ABCB8: variants seen among roughly 807,000 people sequenced by gnomAD.
ABCB8 encodes the protein mitochondrial potassium channel ATP-binding subunit.
Under a neutral mutation model 73.0 loss-of-function variants are expected in ABCB8, and 52 were observed. That is an observed-to-expected ratio of 0.71 (90% CI 0.57 to 0.90). The LOEUF is 0.90. Among genes scored for constraint, ABCB8 ranks in the 40% least tolerant of loss-of-function variants. The pLI is 0.00. For missense variants in ABCB8, 909 were observed against 974.6 expected, an observed-to-expected ratio of 0.93 and a Z score of 0.90; for synonymous variants, 428 against 423.5, an observed-to-expected ratio of 1.01 and a Z score of -0.13.
intron 9 of ABCB8, chr7:151,039,614 T>C (rs532726179): frequency 6.6e-6 from 1 of 152,454 alleles, no homozygotes; most frequent in Admixed American, 6.5e-5. Context: ...GGTATACTTA[T>C]CTGCAGGGCA....
intron 13 of ABCB8, 122 bp from the exon 14 acceptor site, chr7:151,041,836 ATTC>A: frequency 8.1e-7 from 1 of 1,236,366 alleles, no homozygotes; most frequent in Non-Finnish European, 1.1e-6. Context: ...TGAACGTCTG[ATTC>A]TTCAAGAGAT....
intron 14 of ABCB8, 99 bp downstream of exon 14, chr7:151,042,207 ACAGCTGGGGAGAAAGAC>A (rs1233185073): frequency 6.6e-7 from 1 of 1,514,344 alleles, no homozygotes; most frequent in Non-Finnish European, 9.0e-7. Flanking sequence ...GGCAGCAGGG[ACAGCTGGGGAGAAAGAC>A]AGTTGTGTCA....
chr7:151,043,966 C>T lies in ABCB8; in HGVS notation c.1766-5C>T, dbSNP rs1284228620. 3 of 1,607,670 alleles carry T rather than the reference C, an allele frequency of 1.9e-6. No homozygotes were observed. Among genetic ancestry groups the T allele is most frequent in the Admixed American group, 1.7e-5 (1 of 59,876 alleles). On this transcript the variant is annotated splice_polypyrimidine_tract_variant and splice_region_variant and intron_variant, in intron 14 of 15. Coordinates refer to ENST00000358849, the MANE Select transcript of ABCB8 (RefSeq NM_007188.5). ...CAGGCTCCTGCCCTGCCCCTCCCTT[C>T]CCAGGTGAACGGGGCACTACCCTGT...
rs1392570117 is a variant in ABCB8, at chr7:151,035,634, G to A, written c.819G>A (p.Leu273=). Residue 273 remains leucine (L), a synonymous_variant, in exon 6 of 16, where the codon CTG becomes CTA. Coordinates refer to ENST00000358849, the MANE Select transcript of ABCB8 (RefSeq NM_007188.5). ...VAGCLVSLSM[L]STRLTLLLMV... ...GCTGCCTGGTGTCCCTGTCCATGCT[G>A]TCGACACGCCTCACGCTGCTGCTGA... The A allele has an allele frequency of 3.7e-6, 6 of 1,609,896 alleles. No individual in the cohort carries two copies. Among genetic ancestry groups the A allele is most frequent in the Non-Finnish European group, 5.1e-6 (6 of 1,177,074 alleles).
At position 151,034,455 on chromosome 7, in the gene ABCB8, C is replaced by T. The variant is rs184100435; in HGVS notation, c.564+27C>T. 1,035 of 1,613,658 alleles carry T rather than the reference C, an allele frequency of 6.4e-4. 5 individuals carry two copies. In the African/African-American group the frequency reaches 0.012, roughly 18 times the overall value. On this transcript the variant is annotated intron_variant, in intron 3 of 15. Transcript: ENST00000358849. ...TACAGCCGGGAGTGGGGCTGGGGAC[C>T]GCCGAGGAGCCACCCGAGGCATCCC...
rs1484524279 is a variant in ABCB8, at chr7:151,047,176, T to A, written c.*1827T>A. 6.6e-6 allele frequency: 1 copy of A among 152,230 alleles called. No homozygotes were observed. Among genetic ancestry groups the A allele is most frequent in the Non-Finnish European group, 1.5e-5 (1 of 68,052 alleles). The allele number at this position is 152,230 out of a possible 1,614,324, so 9.4% of individuals were successfully genotyped here. A position where few individuals can be genotyped will look rare whatever the true frequency, so the allele number is the denominator to read the frequency against. The stretch of plus-strand genomic sequence containing the variant: ...CAAAATGCCTCTGACACCAGATTTA[T>A]ATCTTCTGGGCGGCTTCTTTAAATC... On this transcript the variant is annotated 3_prime_UTR_variant, in exon 16 of 16. Coordinates refer to ENST00000358849, the MANE Select transcript of ABCB8 (RefSeq NM_007188.5).
intron 14 of ABCB8, 24 bp from the exon 15 acceptor site, chr7:151,043,947 C>A (rs1170281995): frequency 6.2e-7 from 1 of 1,604,340 alleles, no homozygotes; most frequent in East Asian, 2.2e-5. Context: ...GCTTCAGGCT[C>A]CTGCCCTGCC....
intron 5 of ABCB8, 132 bp from the exon 6 acceptor site, chr7:151,035,449 C>T (rs1489606865): frequency 9.2e-7 from 1 of 1,083,560 alleles, no homozygotes; most frequent in Non-Finnish European, 1.3e-6. Context: ...TGGACTGCCA[C>T]TGGGCCTCCC....
chr7:151,042,237 G>T, intron 14 of ABCB8, 129 bp downstream of exon 14: 1 of 1,389,590 alleles, frequency 7.2e-7, no homozygotes, highest in Non-Finnish European at 9.8e-7. Context: ...TTGTGTCAGG[G>T]AAGACGAGAA....
At chr7:151,035,854 C>G (rs2117217543) in intron 6 of ABCB8, 28 bp from the exon 7 acceptor site, 2 of 1,611,872 alleles carry the variant, frequency 1.2e-6, no homozygotes, top group South Asian at 2.2e-5. Context: ...TTCTGGACTC[C>G]TTGTCCTGTT....
rs1240457444 is a variant in ABCB8 at position 151,028,475 on chromosome 7, G to C, written c.-41G>C. On this transcript the variant is annotated 5_prime_UTR_variant, in exon 1 of 16. Transcript: ENST00000358849. ...ATAGAGCCCTCAGTGGGATGAGGGT[G>C]AAACTGCTATTGCCGGCGGCTCCTG... The C allele has an allele frequency of 6.3e-7, 1 of 1,588,844 alleles. No individual in the cohort carries two copies. Among genetic ancestry groups the C allele is most frequent in the South Asian group, 1.1e-5 (1 of 87,328 alleles).
rs747379389 is a variant in ABCB8, at chr7:151,033,859, G to A, written c.350G>A (p.Trp117Ter). 6.2e-7 allele frequency: 1 copy of A among 1,612,870 alleles called. No homozygotes were observed. Among genetic ancestry groups the A allele is most frequent in the East Asian group, 2.2e-5 (1 of 44,854 alleles). The part of the protein sequence containing the change: ...TPHVVGSRFN[W>*]KLFWQFLHPH... The stretch of plus-strand genomic sequence containing the variant: ...CATGTCGTGGGGTCTCGCTTTAACT[G>A]GAAGCTCTTCTGGCAGTTTCTGCAC... The change falls in exon 2 of 16, where the codon TGG (tryptophan) becomes TAG (stop). Residue 117 changes from tryptophan to a stop codon, truncating the protein, a stop_gained. Transcript: ENST00000358849. LOFTEE classifies it high-confidence loss of function.
rs1349778413 is a variant in ABCB8 at position 151,047,235 on chromosome 7, A to C, written c.*1886A>C. The stretch of plus-strand genomic sequence containing the variant: ...CACCCGCCCCCTAGAGAAGCAGTGA[A>C]ACCCCTTGGCTAGTCCAGCTGGAAG... On this transcript the variant is annotated 3_prime_UTR_variant, in exon 16 of 16. Coordinates refer to ENST00000358849, the MANE Select transcript of ABCB8 (RefSeq NM_007188.5). 6.6e-6 allele frequency: 1 copy of C among 152,254 alleles called. No homozygotes were observed. The highest frequency in any genetic ancestry group is 1.5e-5 in the Non-Finnish European group (1 of 68,060). 9.4% of individuals were successfully genotyped at this position (152,254 alleles called of 1,614,324 possible). A position where few individuals can be genotyped will look rare whatever the true frequency, so the allele number is the denominator to read the frequency against.
chr7:151,035,606 C>T lies in ABCB8; in HGVS notation c.791C>T (p.Ala264Val). The T allele has an allele frequency of 6.2e-7, 1 of 1,601,768 alleles. No individual in the cohort carries two copies. Among genetic ancestry groups the T allele is most frequent in the Non-Finnish European group, 8.5e-7 (1 of 1,170,724 alleles). The change falls in exon 6 of 16, where the codon GCA (alanine) becomes GTA (valine). Residue 264 changes from alanine to valine, a missense_variant. Transcript: ENST00000358849. ...SQGLRSCTQV[A>V]GCLVSLSMLS... ...GGGCTGCGAAGCTGCACCCAGGTGG[C>T]AGGCTGCCTGGTGTCCCTGTCCATG...
chr7:151,035,784 G>A (rs370807873), intron 6 of ABCB8, 42 bp downstream of exon 6: 8 of 1,610,154 alleles, frequency 5.0e-6, no homozygotes, highest in African/African-American at 4.0e-5. Context: ...TCCCCACACC[G>A]TTTCTCTTTC....
In ABCB8 at chr7:151,033,905, G is replaced by A; in HGVS notation, c.396G>A (p.Gly132=). 1 of 1,597,290 alleles carries A rather than the reference G, an allele frequency of 6.3e-7. No homozygotes were observed. Among genetic ancestry groups the A allele is most frequent in the Non-Finnish European group, 8.5e-7 (1 of 1,170,156 alleles). ...TGCACCCCCACCTGCTGGTCCTGGGGGTAGCCGTCGTGGTGAGGCTTTCCC... is the reference window on the plus strand; with the variant it reads ...TGCACCCCCACCTGCTGGTCCTGGGAGTAGCCGTCGTGGTGAGGCTTTCCC... ...QFLHPHLLVL[G]VAVVLALGAA... Residue 132 remains glycine, a synonymous_variant, in exon 2 of 16, where the codon GGG becomes GGA. Coordinates refer to ENST00000358849, the MANE Select transcript of ABCB8 (RefSeq NM_007188.5).
intron 12 of ABCB8, 64 bp from the exon 13 acceptor site, chr7:151,041,035 G>C: frequency 6.2e-7 from 1 of 1,612,350 alleles, no homozygotes; most frequent in Non-Finnish European, 8.5e-7. Flanking sequence ...GCCACAAGGG[G>C]CCTTCTTTCC....
intron 1 of ABCB8, chr7:151,031,378 G>A (rs1178676308): frequency 8.7e-6 from 13 of 1,491,528 alleles, no homozygotes; most frequent in Non-Finnish European, 1.2e-5. Context: ...GGTGGGAGAA[G>A]GCCTCATGTA....
rs969815967 is a variant in ABCB8, at chr7:151,034,609, G to C, written c.659+10G>C. 1.9e-6 allele frequency: 3 copies of C among 1,613,790 alleles called. No individual in the cohort carries two copies. The African/African-American group carries it at 4.0e-5, about 22-fold the overall frequency. ...TCAGCTCCCTGCTCCGGTACTGCCAGCCGCAGGGTGCAGAGTTGGGGTGAC... is the reference window on the plus strand; with the variant it reads ...TCAGCTCCCTGCTCCGGTACTGCCACCCGCAGGGTGCAGAGTTGGGGTGAC... On this transcript the variant is annotated intron_variant, in intron 4 of 15. Coordinates refer to ENST00000358849, the MANE Select transcript of ABCB8 (RefSeq NM_007188.5).
Sources: allele counts gnomAD v4.1 joint callset, GRCh38; gene constraint gnomAD v4.1.1; transcripts MANE v1.5; gene names NCBI Gene and HGNC (gene_info 2026-07-23, HGNC 2026-07-21).